PRRG1: variants seen among roughly 807,000 people sequenced by gnomAD.
PRRG1 encodes proline rich and Gla domain 1, also known as transmembrane gamma-carboxyglutamic acid protein 1.
In PRRG1, 5 loss-of-function variants were observed where a neutral mutation model predicts 11.8. The observed-to-expected ratio is 0.42, with a 90% CI of 0.22 to 0.89. The LOEUF (loss-of-function observed/expected upper bound fraction) is 0.89, where lower values mean the gene tolerates loss of function less well. Among genes scored for constraint, PRRG1 ranks in the 40% least tolerant of loss-of-function variants. PRRG1 has a pLI of 0.28. For missense variants in PRRG1, 155 were observed against 166.1 expected (o/e 0.93, Z 0.37); for synonymous variants, 66 against 60.4 (o/e 1.09, Z -0.43).
At chrX:37,407,875 A>C (rs1465526565) in intron 2 of PRRG1, among the ~76,000 whole-genome samples, 1 of 111,341 alleles carries the variant, frequency 9.0e-6, no homozygotes, top group African/African-American at 3.3e-5. Flanking sequence ...GGGCCCTGGT[A>C]GGAAGCCCTA....
intron 1 of PRRG1, among the ~76,000 whole-genome samples, chrX:37,381,479 G>T (rs957341434): frequency 2.7e-5 from 3 of 110,701 alleles, no homozygotes; most frequent in Non-Finnish European, 5.7e-5. Context: ...AAAGTTTCTG[G>T]GCAACTGGTT....
At chrX:37,418,647 A>G (rs1460492954) in intron 2 of PRRG1, among the ~76,000 whole-genome samples, 1 of 112,016 alleles carries the variant, frequency 8.9e-6, no homozygotes, top group Non-Finnish European at 1.9e-5. Flanking sequence ...CCTGAACATC[A>G]TATAGCCCTT....
intron 3 of PRRG1, among the ~76,000 whole-genome samples, chrX:37,451,425 T>G (rs1921135300): frequency 8.9e-6 from 1 of 112,553 alleles, no homozygotes; most frequent in Non-Finnish European, 1.9e-5. Flanking sequence ...AGGAGCAAAT[T>G]TATTGTGTAA....
intron 3 of PRRG1, chrX:37,441,819 G>C: frequency 1.3e-6 from 1 of 785,958 alleles, no homozygotes. Flanking sequence ...GCAGGCTCGA[G>C]GCCATGGAGT....
intron 1 of PRRG1, among the ~76,000 whole-genome samples, chrX:37,400,413 AAAG>A (rs2146571285): frequency 9.0e-6 from 1 of 111,603 alleles, no homozygotes; most frequent in Admixed American, 9.5e-5. Flanking sequence ...AGGCAGAAAT[AAAG>A]ATGTTCTTTG....
intron 1 of PRRG1, among the ~76,000 whole-genome samples, chrX:37,370,577 A>G (rs1930732799): frequency 9.0e-6 from 1 of 110,805 alleles, no homozygotes; most frequent in Non-Finnish European, 1.9e-5. Context: ...CTGGAGCCCT[A>G]CCCTCCTGGG....
chrX:37,448,578 T>C (rs570032613), intron 3 of PRRG1, among the ~76,000 whole-genome samples: 2 of 111,827 alleles, frequency 1.8e-5, no homozygotes, highest in South Asian at 7.6e-4. Context: ...ATGTAACCTG[T>C]GTGCCACCTT....
chrX:37,373,168 A>T (rs782575474), intron 1 of PRRG1, among the ~76,000 whole-genome samples: 1 of 112,096 alleles, frequency 8.9e-6, no homozygotes, highest in South Asian at 3.7e-4. Flanking sequence ...GTCTGTTTTT[A>T]TGCCAGCACA....
At chrX:37,452,338 A>G (rs531145589) in intron 3 of PRRG1, among the ~76,000 whole-genome samples, 5 of 112,274 alleles carry the variant, frequency 4.5e-5, no homozygotes, top group Non-Finnish European at 9.4e-5. Context: ...TTTGTATTAT[A>G]CCATTTTACA....
intron 1 of PRRG1, among the ~76,000 whole-genome samples, chrX:37,402,343 C>A (rs1932028516): frequency 9.0e-6 from 1 of 111,477 alleles, no homozygotes; most frequent in South Asian, 3.8e-4. Flanking sequence ...ATATCTACAA[C>A]CATCTGATCT....
chrX:37,454,159 G>C lies in PRRG1; in HGVS notation c.*538G>C, dbSNP rs1030292997. The C allele has an allele frequency of 1.8e-5, 2 of 112,140 alleles. No individual in the cohort carries two copies. Among genetic ancestry groups the C allele is most frequent in the Non-Finnish European group, 3.8e-5 (2 of 53,248 alleles). 9.2% of individuals were successfully genotyped at this position (112,140 alleles called of 1,213,427 possible). On this transcript the variant is annotated 3_prime_UTR_variant, in exon 4 of 4. Transcript: ENST00000378628. ...CTTAAAAAGAAAAAAATTACACATA[G>C]TCATTCTTGATGTTATAAATAGAGA... is the stretch of plus-strand genomic sequence containing the variant.
intron 2 of PRRG1, among the ~76,000 whole-genome samples, chrX:37,420,668 CA>C (rs1302856034): frequency 7.9e-3 from 234 of 29,509 alleles, no homozygotes; most frequent in South Asian, 0.021. Context: ...CCCGTCTATG[CA>C]AAAAAAAAAA....
intron 3 of PRRG1, among the ~76,000 whole-genome samples, chrX:37,426,230 G>A (rs184444211): frequency 8.2e-4 from 91 of 111,635 alleles, no homozygotes; most frequent in African/African-American, 2.7e-3. Context: ...TCTGCTGAGC[G>A]AGGATTTATC....
intron 1 of PRRG1, among the ~76,000 whole-genome samples, chrX:37,360,321 T>C (rs2146922855): frequency 8.9e-6 from 1 of 112,402 alleles, no homozygotes; most frequent in East Asian, 2.8e-4. Flanking sequence ...TTTTGCTGCA[T>C]CCCACAAATT....
At chrX:37,428,377 T>C (rs781842264) in intron 3 of PRRG1, among the ~76,000 whole-genome samples, 71 of 111,792 alleles carry the variant, frequency 6.4e-4, no homozygotes, top group African/African-American at 2.2e-3. Flanking sequence ...CTAGATACAA[T>C]GGGGGTACAG....
chrX:37,432,355 G>A lies in PRRG1; in HGVS notation c.171+6355G>A, dbSNP rs997497315. ...CCCGCCTTGGCCTCCCAAAGTGCTG[G>A]GATTACAGGCGTGAGCCACTGCACC... On this transcript the variant is annotated intron_variant, in intron 3 of 3. Coordinates refer to ENST00000378628, the MANE Select transcript of PRRG1 (RefSeq NM_001142395.2). Among the ~76,000 whole-genome samples the A allele has an allele frequency of 2.7e-5, 3 of 111,629 alleles. No homozygotes were observed. The East Asian group carries it at 8.4e-4, about 31-fold the overall frequency.
intron 2 of PRRG1, among the ~76,000 whole-genome samples, chrX:37,419,871 A>G (rs1180607378): frequency 8.9e-6 from 1 of 112,025 alleles, no homozygotes; most frequent in Non-Finnish European, 1.9e-5. Flanking sequence ...ATAGCACTTC[A>G]TAAAGCTACT....
At position 37,457,035 on chromosome X, in the gene PRRG1, C is replaced by G. The variant is rs1201210927; in HGVS notation, c.*3414C>G. The G allele has an allele frequency of 2.7e-5, 3 of 111,861 alleles. No individual in the cohort carries two copies. The highest frequency in any genetic ancestry group is 9.7e-5 in the African/African-American group (3 of 30,773). 9.2% of individuals were successfully genotyped at this position (111,861 alleles called of 1,213,427 possible). A position where few individuals can be genotyped will look rare whatever the true frequency, so the allele number is the denominator to read the frequency against. ...AATGATTTCTTCTTTTCCTATTGAC[C>G]AGTACAGATAGATATGTTGTGTTTG... On this transcript the variant is annotated 3_prime_UTR_variant, in exon 4 of 4. Transcript: ENST00000378628.
chrX:37,407,753 A>G (rs988716641), intron 2 of PRRG1, among the ~76,000 whole-genome samples: 1 of 111,731 alleles, frequency 9.0e-6, no homozygotes, highest in Admixed American at 9.5e-5. Context: ...TTTTTAATGG[A>G]TAAAAATGAG....
Sources: allele counts gnomAD v4.1 joint callset (sites outside exome capture counted in the v4.1 genomes callset), GRCh38; gene constraint gnomAD v4.1.1; transcripts MANE v1.5; gene names NCBI Gene and HGNC (gene_info 2026-07-23, HGNC 2026-07-21).